CCDC88A: variants seen among roughly 807,000 people sequenced by gnomAD.
CCDC88A encodes the protein girdin.
Under a neutral mutation model 234.3 loss-of-function variants are expected in CCDC88A, and 54 were observed. That is an observed-to-expected ratio of 0.23 (90% CI 0.19 to 0.29). CCDC88A has a LOEUF of 0.29. Ranked by LOEUF, CCDC88A falls within the 10% of genes least tolerant of loss-of-function variation. CCDC88A has a pLI of 1.00. For synonymous variants in CCDC88A, 753 were observed against 737.8 expected (o/e 1.02, Z -0.33); for missense variants, 1,832 against 2,123.4 (o/e 0.86, Z 2.70).
At chr2:55,409,987 C>T (rs1374492239) in intron 2 of CCDC88A, among the ~76,000 whole-genome samples, 6 of 151,908 alleles carry the variant, frequency 3.9e-5, no homozygotes, top group African/African-American at 9.7e-5. Flanking sequence ...GTGATCCACC[C>T]GCCTCAGCCT....
intron 12 of CCDC88A, among the ~76,000 whole-genome samples, chr2:55,343,229 T>G (rs1275550558): frequency 6.6e-6 from 1 of 152,148 alleles, no homozygotes; most frequent in East Asian, 1.9e-4. Context: ...TAACTAATTC[T>G]AACTATATTT....
chr2:55,328,295 G>C lies in CCDC88A; in HGVS notation c.2996C>G (p.Thr999Arg). The change falls in exon 17 of 33, where the codon ACA (threonine) becomes AGA (arginine). Residue 999 changes from threonine (T) to arginine (R), a missense_variant and splice_region_variant. Around this residue, in one of 6 missense-constraint regions of CCDC88A, gnomAD observed 1,282 missense variants for 1,543.6 expected, o/e 0.83. Coordinates refer to ENST00000436346, the MANE Select transcript of CCDC88A (RefSeq NM_001365480.1). The surrounding 1 kb of genome is among the most constrained non-coding windows in gnomAD (Gnocchi z 4.3). The part of the protein sequence containing the change: ...YNQQLRQELK[T>R]VKKNYEALKQ... ...ATTCTTTCCAAGAAAATCACTTACT[G>C]TTTTAAGTTCTTGGCGCAATTGCTG... 1 of 1,577,604 alleles carries C rather than the reference G, an allele frequency of 6.3e-7. No homozygotes were observed. Among genetic ancestry groups the C allele is most frequent in the South Asian group, 1.2e-5 (1 of 83,096 alleles).
intron 2 of CCDC88A, among the ~76,000 whole-genome samples, chr2:55,409,717 G>C (rs1680151406): frequency 6.8e-6 from 1 of 146,588 alleles, no homozygotes; most frequent in Admixed American, 7.0e-5. Flanking sequence ...TGTAAACAGG[G>C]GGATGTGCCT....
At chr2:55,291,498 A>C (rs1679448321) in intron 32 of CCDC88A, 178 bp downstream of exon 32, 1 of 388,170 alleles carries the variant, frequency 2.6e-6, no homozygotes, top group South Asian at 1.2e-4. Context: ...TTGCGCTGAC[A>C]GGTAAAAACC....
intron 2 of CCDC88A, among the ~76,000 whole-genome samples, chr2:55,402,938 G>A (rs1476549352): frequency 6.6e-6 from 1 of 151,936 alleles, no homozygotes; most frequent in Non-Finnish European, 1.5e-5. Context: ...GAACCCAGGA[G>A]GCAGAGCTTG....
chr2:55,290,295 T>C lies in CCDC88A; in HGVS notation c.*905A>G, dbSNP rs1270125933. On this transcript the variant is annotated 3_prime_UTR_variant, in exon 33 of 33. Transcript: ENST00000436346. ...AGATCATAGTAACTTATTTACATTATTTTTGCCATAAGAAAACTTCTTAAG... is the reference window on the plus strand; with the variant it reads ...AGATCATAGTAACTTATTTACATTACTTTTGCCATAAGAAAACTTCTTAAG... 2 of 152,176 alleles carry C rather than the reference T, an allele frequency of 1.3e-5. No individual in the cohort carries two copies. The highest frequency in any genetic ancestry group is 3.8e-4 in the East Asian group (2 of 5,196). The allele number at this position is 152,176 out of a possible 1,614,324, so 9.4% of individuals were successfully genotyped here.
At position 55,374,897 on chromosome 2, in the gene CCDC88A, T is replaced by G; in HGVS notation, c.274-14A>C. 1.3e-6 allele frequency: 2 copies of G among 1,560,720 alleles called. No homozygotes were observed. Among genetic ancestry groups the G allele is most frequent in the Non-Finnish European group, 1.8e-6 (2 of 1,133,248 alleles). On this transcript the variant is annotated splice_polypyrimidine_tract_variant and intron_variant, in intron 3 of 32. Coordinates refer to ENST00000436346, the MANE Select transcript of CCDC88A (RefSeq NM_001365480.1). ...CTGCAAAGTCTCCTGTAAAAAAATATCCAACACTTGTTATATGGGTAATGC... is the reference window on the plus strand; with the variant it reads ...CTGCAAAGTCTCCTGTAAAAAAATAGCCAACACTTGTTATATGGGTAATGC...
intron 12 of CCDC88A, 57 bp from the exon 13 acceptor site, chr2:55,339,705 A>C (rs1226833935): frequency 1.4e-6 from 2 of 1,453,962 alleles, no homozygotes; most frequent in East Asian, 4.7e-5. Flanking sequence ...TACTATGTTT[A>C]CTCTTTACTA....
chr2:55,393,724 A>G (rs1037452876), intron 2 of CCDC88A, among the ~76,000 whole-genome samples: 11 of 152,122 alleles, frequency 7.2e-5, no homozygotes, highest in Non-Finnish European at 1.5e-5. Context: ...GTTTATTTCC[A>G]CCTTTTCAAT....
intron 31 of CCDC88A, 149 bp downstream of exon 31, chr2:55,295,448 A>C (rs1395623307): frequency 1.3e-6 from 2 of 1,557,464 alleles, no homozygotes; most frequent in African/African-American, 2.7e-5. Flanking sequence ...TTTGGTTTAG[A>C]AAATGTGACC....
chr2:55,410,282 G>GTACA (rs1574513142), intron 2 of CCDC88A, among the ~76,000 whole-genome samples: 1 of 152,280 alleles, frequency 6.6e-6, no homozygotes, highest in East Asian at 1.9e-4. Flanking sequence ...AGACCTCTTT[G>GTACA]TGGTGCTAGA....
rs552398700 is a variant in CCDC88A at position 55,322,154 on chromosome 2, G to T, written c.3162+374C>A. Reference sequence around the variant, plus strand: ...TAATAAAAAGAAAGACGAATTACCTGCTTTCATAAATGAATACAAAATTTA... The same window carrying T: ...TAATAAAAAGAAAGACGAATTACCTTCTTTCATAAATGAATACAAAATTTA... On this transcript the variant is annotated intron_variant, in intron 18 of 32. Transcript: ENST00000436346. Among the ~76,000 whole-genome samples, 4 of 152,254 alleles carry T rather than the reference G, an allele frequency of 2.6e-5. No homozygotes were observed. In the South Asian group the frequency reaches 8.3e-4, roughly 32 times the overall value.
chr2:55,377,890 G>C (rs1484250781), intron 3 of CCDC88A, among the ~76,000 whole-genome samples: 1 of 152,128 alleles, frequency 6.6e-6, no homozygotes, highest in Non-Finnish European at 1.5e-5. Context: ...ACAGGTGTGA[G>C]CCACCGCACC....
intron 2 of CCDC88A, among the ~76,000 whole-genome samples, chr2:55,408,868 G>C (rs757563796): frequency 1.3e-5 from 2 of 152,086 alleles, no homozygotes; most frequent in Admixed American, 6.5e-5. Context: ...CCTTTACTCT[G>C]TAAGTTCCTC....
In CCDC88A at chr2:55,317,953, T is replaced by G. The variant is rs1683176320; in HGVS notation, c.3325-112A>C. Reference sequence around the variant, plus strand: ...AGCTCTAAATGAATCACAGCACACATATTTACATTATACTGGGAAGACGTG... The same window carrying G: ...AGCTCTAAATGAATCACAGCACACAGATTTACATTATACTGGGAAGACGTG... On this transcript the variant is annotated intron_variant, in intron 19 of 32. Coordinates refer to ENST00000436346, the MANE Select transcript of CCDC88A (RefSeq NM_001365480.1). This position sits in a 1 kb window ranked among gnomAD's most constrained non-coding sequence, Gnocchi z 4.2. 1.4e-6 allele frequency: 1 copy of G among 737,920 alleles called. No individual in the cohort carries two copies. The highest frequency in any genetic ancestry group is 2.2e-6 in the Non-Finnish European group (1 of 460,848). The allele number at this position is 737,920 out of a possible 1,614,324, so 45.7% of individuals were successfully genotyped here.
At chr2:55,308,713 T>C in intron 25 of CCDC88A, 96 bp downstream of exon 25, 2 of 806,894 alleles carry the variant, frequency 2.5e-6, no homozygotes, top group Non-Finnish European at 4.0e-6. Context: ...GAAATGCCAT[T>C]CATCAGACTA....
intron 25 of CCDC88A, 122 bp downstream of exon 25, chr2:55,308,687 G>C: frequency 1.5e-6 from 1 of 689,116 alleles, no homozygotes; most frequent in Non-Finnish European, 2.5e-6. Context: ...TTAATTTTAT[G>C]ATGTTAAATT....
intron 7 of CCDC88A, among the ~76,000 whole-genome samples, chr2:55,361,440 G>A (rs1484967507): frequency 6.6e-6 from 1 of 151,768 alleles, no homozygotes; most frequent in Non-Finnish European, 1.5e-5. Flanking sequence ...TTTTCTTTTT[G>A]TTTAATGCCT....
rs1381615723 is a variant in CCDC88A, at chr2:55,290,359, A to C, written c.*841T>G. 6.6e-6 allele frequency: 1 copy of C among 152,082 alleles called. No individual in the cohort carries two copies. Among genetic ancestry groups the C allele is most frequent in the African/African-American group, 2.4e-5 (1 of 41,438 alleles). 9.4% of individuals were successfully genotyped at this position (152,082 alleles called of 1,614,324 possible). On this transcript the variant is annotated 3_prime_UTR_variant, in exon 33 of 33. Transcript: ENST00000436346. ...TCAAGTTAAAAAAATGCACACGCAT[A>C]CATAACCCAATACCAAAGAAAAGAA...
Sources: allele counts gnomAD v4.1 joint callset (sites outside exome capture counted in the v4.1 genomes callset), GRCh38; gene constraint gnomAD v4.1.1; regional missense constraint gnomAD v4.1.1; non-coding constraint Gnocchi (gnomAD v3.1); transcripts MANE v1.5; gene names NCBI Gene and HGNC (gene_info 2026-07-23, HGNC 2026-07-21).